Variants in TSPAN12 observed in about 807,000 individuals in gnomAD.
The protein encoded by TSPAN12 is tetraspanin-12.
TSPAN12 carries 19 observed loss-of-function variants against 39.2 expected under a neutral mutation model. That is an observed-to-expected ratio of 0.49 (90% CI 0.34 to 0.71). TSPAN12 has a LOEUF of 0.71. Among genes scored for constraint, TSPAN12 ranks in the 30% least tolerant of loss-of-function variants. The probability of loss-of-function intolerance (pLI) is 0.01; values close to 1 mark genes in which losing one functional copy is unlikely to be tolerated. For synonymous variants in TSPAN12, 119 were observed against 124.8 expected, an observed-to-expected ratio of 0.95 and a Z score of 0.31; for missense variants, 314 against 359.9, an observed-to-expected ratio of 0.87 and a Z score of 1.03.
At position 120,857,222 on chromosome 7, in the gene TSPAN12, C is replaced by A. The variant is rs1794889617; in HGVS notation, c.-70-389G>T. 1.7e-5 allele frequency: 5 copies of A among 290,288 alleles called. No individual in the cohort carries two copies. In the South Asian group the frequency reaches 1.7e-4, roughly 10 times the overall value. 18.0% of individuals were successfully genotyped at this position (290,288 alleles called of 1,614,324 possible). On this transcript the variant is annotated intron_variant, in intron 1 of 7. Coordinates refer to ENST00000222747, the MANE Select transcript of TSPAN12 (RefSeq NM_012338.4). ...ACTGTCCTGAAGGTGAGAAACCACA[C>A]TGCCCCCTACCCCGGACACGTCAGA... is the stretch of plus-strand genomic sequence containing the variant.
chr7:120,826,428 C>A, intron 4 of TSPAN12, among the ~76,000 whole-genome samples: 1 of 152,150 alleles, frequency 6.6e-6, no homozygotes, highest in East Asian at 1.9e-4. Context: ...CTAAAGTGTG[C>A]AAGCTCAGCC....
At chr7:120,840,150 G>GT in intron 2 of TSPAN12, 41 bp from the exon 3 acceptor site, 1 of 1,418,444 alleles carries the variant, frequency 7.0e-7, no homozygotes, top group South Asian at 1.1e-5. Context: ...AAAGATTTAC[G>GT]TAACATTCAC....
At chr7:120,807,403 A>G (rs1793895296) in intron 6 of TSPAN12, among the ~76,000 whole-genome samples, 1 of 152,080 alleles carries the variant, frequency 6.6e-6, no homozygotes, top group Non-Finnish European at 1.5e-5. Flanking sequence ...ATTAGCAAAA[A>G]CTGTCTCTGA....
Position 120,810,427 on chromosome 7 carries a change from C to A in TSPAN12, c.468+36G>T, listed in dbSNP as rs769907084. Reference sequence around the variant, plus strand: ...ATCTGGTTTGAAGGTGCACCACTTACTTCACTCTCTCTACCTCAGAAATTG... The same window carrying A: ...ATCTGGTTTGAAGGTGCACCACTTAATTCACTCTCTCTACCTCAGAAATTG... On this transcript the variant is annotated intron_variant, in intron 6 of 7. Transcript: ENST00000222747. 1.6e-5 allele frequency: 21 copies of A among 1,324,824 alleles called. No individual in the cohort carries two copies. The Admixed American group carries it at 3.5e-4, about 22-fold the overall frequency. The allele number at this position is 1,324,824 out of a possible 1,614,324, so 82.1% of individuals were successfully genotyped here. A position where few individuals can be genotyped will look rare whatever the true frequency, so the allele number is the denominator to read the frequency against.
At position 120,788,184 on chromosome 7, in the gene TSPAN12, T is replaced by C. The variant is rs1793445174; in HGVS notation, c.*408A>G. The C allele has an allele frequency of 5.8e-6, 1 of 173,554 alleles. No individual in the cohort carries two copies. Among genetic ancestry groups the C allele is most frequent in the African/African-American group, 2.4e-5 (1 of 41,788 alleles). 10.8% of individuals were successfully genotyped at this position (173,554 alleles called of 1,614,324 possible). ...ATAAAAGTTATTAGTATTTTCTAAC[T>C]TCCTATGTTAGCATTTAATTAGTAC... is the stretch of plus-strand genomic sequence containing the variant. On this transcript the variant is annotated 3_prime_UTR_variant, in exon 8 of 8. Coordinates refer to ENST00000222747, the MANE Select transcript of TSPAN12 (RefSeq NM_012338.4).
chr7:120,816,305 AT>A (rs761925721), intron 4 of TSPAN12, among the ~76,000 whole-genome samples: 2 of 152,034 alleles, frequency 1.3e-5, no homozygotes, highest in African/African-American at 2.4e-5. Flanking sequence ...AGTTTCTATT[AT>A]GGGGAAGGCA....
intron 2 of TSPAN12, among the ~76,000 whole-genome samples, chr7:120,850,353 T>C (rs1224996519): frequency 6.6e-6 from 1 of 152,210 alleles, no homozygotes; most frequent in Non-Finnish European, 1.5e-5. Context: ...TTTTCTTCAG[T>C]CTCCACATTG....
chr7:120,803,449 T>A (rs1793812724), intron 7 of TSPAN12, among the ~76,000 whole-genome samples: 1 of 152,190 alleles, frequency 6.6e-6, no homozygotes, highest in Non-Finnish European at 1.5e-5. Context: ...AGGAAACATA[T>A]GTTCTCCAGG....
At position 120,788,640 on chromosome 7, in the gene TSPAN12, T is replaced by G; in HGVS notation, c.870A>C (p.Thr290=). 1 of 1,614,172 alleles carries G rather than the reference T, an allele frequency of 6.2e-7. No homozygotes were observed. The highest frequency in any genetic ancestry group is 8.5e-7 in the Non-Finnish European group (1 of 1,180,004). The part of the protein sequence containing the change: ...KPSLSRIFEH[T]SMANSFNTHF... ...GTGTATTAAAGCTGTTTGCCATGGA[T>G]GTGTGTTCAAAGATTCTTGACAGGC... Residue 290 remains threonine (T), a synonymous_variant, in exon 8 of 8, where the codon ACA becomes ACC. Coordinates refer to ENST00000222747, the MANE Select transcript of TSPAN12 (RefSeq NM_012338.4).
intron 2 of TSPAN12, among the ~76,000 whole-genome samples, chr7:120,846,541 G>A (rs1458259320): frequency 6.6e-6 from 1 of 152,136 alleles, no homozygotes; most frequent in Non-Finnish European, 1.5e-5. Context: ...TCTTTTAAGT[G>A]GTGTATTCCA....
chr7:120,789,404 A>G (rs982548681), intron 7 of TSPAN12, among the ~76,000 whole-genome samples: 3 of 152,204 alleles, frequency 2.0e-5, no homozygotes, highest in Admixed American at 2.0e-4. Context: ...CGATTTAATA[A>G]TACTTAACAC....
intron 4 of TSPAN12, among the ~76,000 whole-genome samples, chr7:120,835,468 A>G (rs534661567): frequency 8.5e-4 from 130 of 152,310 alleles, no homozygotes; most frequent in African/African-American, 3.0e-3. Context: ...AAAATGGCAA[A>G]ATTGTTACAA....
intron 6 of TSPAN12, among the ~76,000 whole-genome samples, chr7:120,809,900 G>C (rs1243652016): frequency 6.6e-6 from 1 of 152,170 alleles, no homozygotes; most frequent in African/African-American, 2.4e-5. Flanking sequence ...ACAACCTGAA[G>C]AGAGAGGTAT....
chr7:120,794,312 T>C (rs1793589386), intron 7 of TSPAN12, among the ~76,000 whole-genome samples: 1 of 152,168 alleles, frequency 6.6e-6, no homozygotes, highest in Non-Finnish European at 1.5e-5. Context: ...AATTAGTACA[T>C]TTGTCCCCAC....
chr7:120,806,758 A>G, intron 6 of TSPAN12, 66 bp from the exon 7 acceptor site: 1 of 1,601,434 alleles, frequency 6.2e-7, no homozygotes, highest in East Asian at 2.3e-5. Flanking sequence ...ATAGGAGATT[A>G]AACATCAGTT....
chr7:120,797,953 GTTTAAGC>G (rs1354210658), intron 7 of TSPAN12, among the ~76,000 whole-genome samples: 2 of 152,120 alleles, frequency 1.3e-5, no homozygotes, highest in African/African-American at 4.8e-5. Context: ...ATAGCATGAT[GTTTAAGC>G]TTAAATCTAA....
At chr7:120,813,629 A>G (rs1794024111) in intron 5 of TSPAN12, among the ~76,000 whole-genome samples, 1 of 152,208 alleles carries the variant, frequency 6.6e-6, no homozygotes, top group African/African-American at 2.4e-5. Context: ...AAGAAAGTAA[A>G]CAAATTGCTA....
chr7:120,791,621 CTG>C (rs1318053001), intron 7 of TSPAN12, among the ~76,000 whole-genome samples: 2 of 152,152 alleles, frequency 1.3e-5, no homozygotes, highest in Admixed American at 6.5e-5. Flanking sequence ...AGCTAAGAAA[CTG>C]TGCCAGAAAA....
intron 6 of TSPAN12, among the ~76,000 whole-genome samples, chr7:120,809,771 A>C (rs1380941763): frequency 6.6e-6 from 1 of 152,168 alleles, no homozygotes; most frequent in African/African-American, 2.4e-5. Flanking sequence ...CCACTTGAGA[A>C]GATGGTTGGG....
Sources: allele counts gnomAD v4.1 joint callset (sites outside exome capture counted in the v4.1 genomes callset), GRCh38; gene constraint gnomAD v4.1.1; transcripts MANE v1.5; gene names NCBI Gene and HGNC (gene_info 2026-07-23, HGNC 2026-07-21).